Variants in FRMD4A observed in about 807,000 individuals in gnomAD.
FRMD4A encodes the protein FERM domain containing 4A, also known as FERM domain-containing protein 4A.
In FRMD4A, 29 loss-of-function variants were observed where a neutral mutation model predicts 129.1. That is an observed-to-expected ratio of 0.22 (90% confidence interval 0.17 to 0.31). The LOEUF (loss-of-function observed/expected upper bound fraction) is 0.31. FRMD4A is among the 10% of genes least tolerant of loss of function. FRMD4A has a pLI of 1.00. For synonymous variants in FRMD4A, 634 were observed against 571.6 expected (o/e 1.11, Z -1.56); for missense variants, 1,272 against 1,375.8 (o/e 0.92, Z 1.19).
chr10:14,128,531 A>C (rs1200956500), intron 2 of FRMD4A, among the ~76,000 whole-genome samples: 1 of 152,208 alleles, frequency 6.6e-6, no homozygotes, highest in Non-Finnish European at 1.5e-5. Flanking sequence ...CTCAAATCTG[A>C]TGCAAAATTT....
chr10:13,732,738 G>C (rs948395450), intron 12 of FRMD4A, among the ~76,000 whole-genome samples: 1 of 152,188 alleles, frequency 6.6e-6, no homozygotes, highest in Admixed American at 6.5e-5. Context: ...AAGAGGGAGT[G>C]GCATCCCCTG....
At chr10:13,858,986 C>T (rs2094253594) in intron 2 of FRMD4A, 74 bp from the exon 3 acceptor site, 3 of 891,146 alleles carry the variant, frequency 3.4e-6, no homozygotes. Context: ...GCCGACGCTG[C>T]ACTCTGCCAG....
intron 12 of FRMD4A, among the ~76,000 whole-genome samples, chr10:13,737,331 C>A (rs934602099): frequency 2.0e-5 from 3 of 152,186 alleles, no homozygotes; most frequent in African/African-American, 7.2e-5. Flanking sequence ...CTTAAGTGAT[C>A]CACCTGCCTC....
intron 8 of FRMD4A, among the ~76,000 whole-genome samples, chr10:13,759,257 A>G (rs987874120): frequency 3.9e-5 from 6 of 152,352 alleles, no homozygotes; most frequent in African/African-American, 1.4e-4. Context: ...AGGTAGCAGT[A>G]GCACTTTGAC....
chr10:14,101,916 A>T (rs185744449), intron 2 of FRMD4A, among the ~76,000 whole-genome samples: 58 of 152,304 alleles, frequency 3.8e-4, no homozygotes, highest in African/African-American at 1.3e-3. Context: ...CATATCCCCC[A>T]TCAATTATTG....
intron 2 of FRMD4A, among the ~76,000 whole-genome samples, chr10:14,045,377 T>A (rs1164648277): frequency 1.3e-5 from 2 of 152,166 alleles, no homozygotes; most frequent in African/African-American, 4.8e-5. Flanking sequence ...ACTGTCTTCA[T>A]GAAGCTTTCC....
chr10:14,166,861 G>A (rs982775861), intron 2 of FRMD4A, among the ~76,000 whole-genome samples: 1 of 152,304 alleles, frequency 6.6e-6, no homozygotes, highest in African/African-American at 2.4e-5. Flanking sequence ...CAAACCCCAT[G>A]AGCCCTTAGA....
At position 13,884,134 on chromosome 10, in the gene FRMD4A, T is replaced by TCACACA. The variant is rs1221469854; in HGVS notation, c.46-25228_46-25223dup. 5.2e-3 allele frequency among the ~76,000 whole-genome samples: 186 copies of TCACACA among 35,708 alleles called. 3 individuals are homozygous for TCACACA. The South Asian group carries it at 0.059, about 11-fold the overall frequency. 23.4% of individuals were successfully genotyped at this position (35,708 alleles called of 152,430 possible). ...CACACACACACACTCACACACACGC[T>TCACACA]CACACACACTCTCACACACTCTCAC... On this transcript the variant is annotated intron_variant, in intron 2 of 24. Coordinates refer to ENST00000357447, the MANE Select transcript of FRMD4A (RefSeq NM_018027.5).
At chr10:13,795,662 G>A (rs2093100264) in intron 5 of FRMD4A, among the ~76,000 whole-genome samples, 1 of 152,162 alleles carries the variant, frequency 6.6e-6, no homozygotes, top group Admixed American at 6.5e-5. Context: ...AGCACTTAAT[G>A]CTTCTGTAAT....
intron 15 of FRMD4A, among the ~76,000 whole-genome samples, chr10:13,688,531 A>T (rs939632418): frequency 6.6e-6 from 1 of 152,028 alleles, no homozygotes; most frequent in African/African-American, 2.4e-5. Context: ...GTACCCTAAA[A>T]CTTAAAGTAT....
At chr10:13,952,091 A>T (rs1199886915) in intron 2 of FRMD4A, among the ~76,000 whole-genome samples, 1 of 151,088 alleles carries the variant, frequency 6.6e-6, no homozygotes, top group East Asian at 1.9e-4. Flanking sequence ...AAAATCTCCA[A>T]GATGAAGGAA....
At chr10:13,894,263 T>C (rs947957999) in intron 2 of FRMD4A, among the ~76,000 whole-genome samples, 3 of 152,230 alleles carry the variant, frequency 2.0e-5, no homozygotes, top group Non-Finnish European at 2.9e-5. Flanking sequence ...CCACTCCAGC[T>C]GGAGCGATTC....
intron 2 of FRMD4A, among the ~76,000 whole-genome samples, chr10:14,055,334 TATG>T (rs1220097427): frequency 6.6e-6 from 1 of 152,140 alleles, no homozygotes; most frequent in Non-Finnish European, 1.5e-5. Context: ...CTCACGTCTT[TATG>T]ATGTTTCCCA....
At chr10:14,306,120 C>T (rs1250300088) in intron 2 of FRMD4A, among the ~76,000 whole-genome samples, 1 of 152,156 alleles carries the variant, frequency 6.6e-6, no homozygotes, top group Non-Finnish European at 1.5e-5. Flanking sequence ...ACATGCACCC[C>T]TGAACTTTTA....
rs138446725 is a variant in FRMD4A at position 13,927,406 on chromosome 10, G to A, written c.46-68494C>T. 3.2e-4 allele frequency among the ~76,000 whole-genome samples: 48 copies of A among 152,302 alleles called. No individual in the cohort carries two copies. In the East Asian group the frequency reaches 7.7e-3, roughly 24 times the overall value. On this transcript the variant is annotated intron_variant, in intron 2 of 24. Transcript: ENST00000357447. ...CTCCTCTAAACTCATGGCTGCCCAT[G>A]AATCAGTGCTTGAAGATTGATTTTT... is the stretch of plus-strand genomic sequence containing the variant.
chr10:13,997,413 C>T (rs2095626478), intron 2 of FRMD4A, among the ~76,000 whole-genome samples: 2 of 152,132 alleles, frequency 1.3e-5, no homozygotes, highest in Admixed American at 6.5e-5. Context: ...CTTTTCCCAT[C>T]TGCATTATTC....
intron 24 of FRMD4A, chr10:13,651,119 C>T (rs373690270): frequency 1.3e-5 from 2 of 152,202 alleles, no homozygotes; most frequent in South Asian, 2.1e-4. Context: ...CAGATTTCGA[C>T]GTGAATCTTG....
At chr10:14,273,210 T>C (rs1055990860) in intron 2 of FRMD4A, among the ~76,000 whole-genome samples, 1 of 151,940 alleles carries the variant, frequency 6.6e-6, no homozygotes, top group Non-Finnish European at 1.5e-5. Context: ...TGAGCCAAGA[T>C]TGCACCACTG....
At chr10:13,748,351 T>C (rs1443203837) in intron 8 of FRMD4A, among the ~76,000 whole-genome samples, 3 of 152,190 alleles carry the variant, frequency 2.0e-5, no homozygotes, top group Non-Finnish European at 4.4e-5. Flanking sequence ...GACAAATAAA[T>C]ACTGATGGAG....
Sources: allele counts gnomAD v4.1 joint callset (sites outside exome capture counted in the v4.1 genomes callset), GRCh38; gene constraint gnomAD v4.1.1; transcripts MANE v1.5; gene names NCBI Gene and HGNC (gene_info 2026-07-23, HGNC 2026-07-21).